NCOA2: variants seen among roughly 807,000 people sequenced by gnomAD.
The protein encoded by NCOA2 is class E basic helix-loop-helix protein 75.
NCOA2 carries 21 observed loss-of-function variants against 145.1 expected under a neutral mutation model. The observed-to-expected ratio is 0.14, with a 90% CI of 0.10 to 0.21. The LOEUF (loss-of-function observed/expected upper bound fraction) is 0.21, where lower values mean the gene tolerates loss of function less well. Ranked by LOEUF, NCOA2 falls within the 10% of genes least tolerant of loss-of-function variation. The pLI is 1.00. For synonymous variants in NCOA2, 619 were observed against 637.5 expected, an observed-to-expected ratio of 0.97 and a Z score of 0.44; for missense variants, 1,472 against 1,837.6, an observed-to-expected ratio of 0.80 and a Z score of 3.64.
intron 11 of NCOA2, among the ~76,000 whole-genome samples, chr8:70,149,813 G>A (rs1301574455): frequency 1.3e-5 from 2 of 152,174 alleles, no homozygotes; most frequent in East Asian, 1.9e-4. Context: ...AGTGGAAAAC[G>A]TAAGTTAGTT....
At chr8:70,247,159 T>C (rs1248359418) in intron 2 of NCOA2, among the ~76,000 whole-genome samples, 2 of 152,112 alleles carry the variant, frequency 1.3e-5, no homozygotes, top group Non-Finnish European at 1.5e-5. Context: ...AAGGGAACCA[T>C]GGCCACTCTG....
chr8:70,383,849 T>A (rs193277326), intron 1 of NCOA2, among the ~76,000 whole-genome samples: 3 of 152,000 alleles, frequency 2.0e-5, no homozygotes, highest in African/African-American at 7.2e-5. Flanking sequence ...CTCATACTTC[T>A]AAGAAAAAAA....
intron 7 of NCOA2, among the ~76,000 whole-genome samples, chr8:70,164,156 C>T (rs1291980307): frequency 6.6e-6 from 1 of 152,186 alleles, no homozygotes; most frequent in Non-Finnish European, 1.5e-5. Context: ...CAGCGTGCAC[C>T]AGAACAGCTG....
chr8:70,260,388 C>T (rs1391015926), intron 2 of NCOA2, among the ~76,000 whole-genome samples: 2 of 152,136 alleles, frequency 1.3e-5, no homozygotes, highest in Admixed American at 1.3e-4. Flanking sequence ...CCGCCTCAGC[C>T]TCCCAAAGTG....
chr8:70,403,847 CCCTCCTCCTCCTCCT>C (rs528610374), upstream of NCOA2: 149 of 376,616 alleles, frequency 4.0e-4, no homozygotes, highest in Non-Finnish European at 5.8e-4. Flanking sequence ...TCCCCCAACT[CCCTCCTCCTCCTCCT>C]CCTCCTCCTC....
intron 1 of NCOA2, among the ~76,000 whole-genome samples, chr8:70,374,184 T>C (rs897076118): frequency 7.2e-5 from 11 of 152,162 alleles, no homozygotes; most frequent in Admixed American, 6.5e-5. Flanking sequence ...GAAAGGGACA[T>C]GCACTGGTCG....
intron 1 of NCOA2, among the ~76,000 whole-genome samples, chr8:70,391,940 C>A (rs760160247): frequency 6.6e-6 from 1 of 152,168 alleles, no homozygotes; most frequent in African/African-American, 2.4e-5. Flanking sequence ...TAAGACAATG[C>A]ACTTTATGGA....
chr8:70,145,287 A>G (rs1323288189), intron 12 of NCOA2, among the ~76,000 whole-genome samples: 2 of 151,814 alleles, frequency 1.3e-5, no homozygotes, highest in African/African-American at 4.8e-5. Context: ...CCTCCCAAGT[A>G]GCTGGGATTA....
chr8:70,295,622 G>A (rs988930580), intron 2 of NCOA2, among the ~76,000 whole-genome samples: 3 of 152,016 alleles, frequency 2.0e-5, no homozygotes, highest in Non-Finnish European at 2.9e-5. Context: ...TTAAGTTCAC[G>A]GTATAAATTA....
chr8:70,336,127 G>A (rs79052595), intron 1 of NCOA2, among the ~76,000 whole-genome samples: 1,561 of 152,206 alleles, frequency 0.01, 25 homozygotes, highest in African/African-American at 0.035. Flanking sequence ...ACATTACTGC[G>A]AACTTTTATG....
intron 1 of NCOA2, among the ~76,000 whole-genome samples, chr8:70,300,732 T>C (rs1293244444): frequency 6.6e-6 from 1 of 152,244 alleles, no homozygotes; most frequent in Non-Finnish European, 1.5e-5. Flanking sequence ...ATGACAGCTG[T>C]AATACTGGCT....
chr8:70,137,617 C>G (rs141311258), intron 15 of NCOA2, among the ~76,000 whole-genome samples: 1 of 152,224 alleles, frequency 6.6e-6, no homozygotes, highest in Admixed American at 6.5e-5. Context: ...CTGTGAGAAA[C>G]CACCACCTCC....
chr8:70,293,117 G>T (rs961676279), intron 2 of NCOA2, among the ~76,000 whole-genome samples: 4 of 152,070 alleles, frequency 2.6e-5, no homozygotes, highest in Non-Finnish European at 4.4e-5. Context: ...CAAAAATAGT[G>T]ATATAAATAA....
In NCOA2 at chr8:70,227,630, G is replaced by C. The variant is rs146741623; in HGVS notation, c.-19-10866C>G. ...TTATTCTGAACACTACTTGCTATGA[G>C]GCAATGGTTGACATTAATAATGAAA... is the stretch of plus-strand genomic sequence containing the variant. On this transcript the variant is annotated intron_variant, in intron 2 of 22. Transcript: ENST00000452400. Among the ~76,000 whole-genome samples the C allele has an allele frequency of 3.9e-3, 596 of 152,176 alleles. 4 individuals carry two copies. Among genetic ancestry groups the C allele is most frequent in the African/African-American group, 0.014 (574 of 41,522 alleles).
chr8:70,412,239 A>G, the NCOA2 span, among the ~76,000 whole-genome samples: 5 of 152,062 alleles, frequency 3.3e-5, no homozygotes, highest in African/African-American at 4.8e-5. Flanking sequence ...ACACCACTGT[A>G]CTCCAGCCTG....
At chr8:70,340,842 C>T (rs1808065183) in intron 1 of NCOA2, among the ~76,000 whole-genome samples, 1 of 152,036 alleles carries the variant, frequency 6.6e-6, no homozygotes, top group Non-Finnish European at 1.5e-5. Context: ...GAAAAACAAA[C>T]ACCGCATGTT....
At chr8:70,173,771 C>T (rs1008428804) in intron 5 of NCOA2, among the ~76,000 whole-genome samples, 1 of 151,996 alleles carries the variant, frequency 6.6e-6, no homozygotes, top group Non-Finnish European at 1.5e-5. Context: ...GTGTGCCCCC[C>T]CTCCGCCCTG....
chr8:70,377,568 T>C (rs1249613032), intron 1 of NCOA2, among the ~76,000 whole-genome samples: 1 of 152,214 alleles, frequency 6.6e-6, no homozygotes, highest in Non-Finnish European at 1.5e-5. Flanking sequence ...CATCAAACTG[T>C]GATTTGAAAT....
chr8:70,361,022 A>G lies in NCOA2; in HGVS notation c.-77+42678T>C, dbSNP rs548613732. On this transcript the variant is annotated intron_variant, in intron 1 of 22. Transcript: ENST00000452400. ...TGGCCAAACACACTGCTTAATGGCAAAAGCTGTTTTTCTAAAAGGCCAAAT... is the reference window on the plus strand; with the variant it reads ...TGGCCAAACACACTGCTTAATGGCAGAAGCTGTTTTTCTAAAAGGCCAAAT... Among the ~76,000 whole-genome samples, 4 of 152,322 alleles carry G rather than the reference A, an allele frequency of 2.6e-5. No homozygotes were observed. The South Asian group carries it at 8.3e-4, about 32-fold the overall frequency.
Sources: gnomAD v4.1 joint callset for allele counts (sites outside exome capture counted in the v4.1 genomes callset) on GRCh38, gnomAD v4.1.1 for gene constraint, MANE v1.5 for transcripts, NCBI Gene and HGNC (gene_info 2026-07-23, HGNC 2026-07-21) for gene names.